The following SHISA9 variants were observed in gnomAD, a reference collection of about 807,000 sequenced individuals.
SHISA9 encodes the protein protein shisa-9.
A neutral mutation model predicts 38.0 loss-of-function variants in SHISA9; 13 were observed. The observed-to-expected ratio is 0.34, with a 90% confidence interval of 0.22 to 0.54. The LOEUF (loss-of-function observed/expected upper bound fraction) is 0.54. Ranked by LOEUF, SHISA9 falls within the 20% of genes least tolerant of loss-of-function variation. The pLI is 0.91. For missense variants in SHISA9, 538 were observed against 575.8 expected, an observed-to-expected ratio of 0.93 and a Z score of 0.67; for synonymous variants, 275 against 242.0, an observed-to-expected ratio of 1.14 and a Z score of -1.27.
chr16:13,472,906 A>G, the SHISA9 span, among the ~76,000 whole-genome samples: 1 of 152,228 alleles, frequency 6.6e-6, no homozygotes, highest in Non-Finnish European at 1.5e-5. Context: ...TATCTTGAAT[A>G]CAGTTATAAT....
At chr16:13,427,205 C>G in the SHISA9 span, among the ~76,000 whole-genome samples, 110 of 152,326 alleles carry the variant, frequency 7.2e-4, 1 homozygote, top group African/African-American at 2.5e-3. Context: ...TGTACAAACT[C>G]ATCAGCCAGA....
chr16:13,536,522 G>A, the SHISA9 span, among the ~76,000 whole-genome samples: 1 of 152,278 alleles, frequency 6.6e-6, no homozygotes, highest in Non-Finnish European at 1.5e-5. Context: ...AAACGAATAA[G>A]CCCTAACATA....
the SHISA9 span, among the ~76,000 whole-genome samples, chr16:13,263,438 C>G: frequency 6.6e-6 from 1 of 152,128 alleles, no homozygotes; most frequent in African/African-American, 2.4e-5. Flanking sequence ...CTCACAAGAT[C>G]TGGTGATTGA....
the SHISA9 span, among the ~76,000 whole-genome samples, chr16:13,559,796 T>A: frequency 6.6e-6 from 1 of 152,048 alleles, no homozygotes; most frequent in East Asian, 1.9e-4. Flanking sequence ...TAGAACAGAG[T>A]GGTTGTTCAA....
chr16:13,437,824 C>A, the SHISA9 span, among the ~76,000 whole-genome samples: 2 of 115,496 alleles, frequency 1.7e-5, no homozygotes, highest in African/African-American at 5.5e-5. Flanking sequence ...AGTGGTGGAT[C>A]TAAGAGAAGG....
chr16:13,460,499 G>T, the SHISA9 span, among the ~76,000 whole-genome samples: 1 of 152,168 alleles, frequency 6.6e-6, no homozygotes, highest in South Asian at 2.1e-4. Context: ...GTAAATGCCA[G>T]AATCAGGCCT....
the SHISA9 span, among the ~76,000 whole-genome samples, chr16:13,328,538 G>C: frequency 1.3e-4 from 19 of 150,182 alleles, no homozygotes; most frequent in African/African-American, 4.7e-4. Flanking sequence ...TCAGCCTTCT[G>C]AGTAGCTAGA....
chr16:12,927,128 C>T (rs1415418535), intron 2 of SHISA9, among the ~76,000 whole-genome samples: 3 of 151,986 alleles, frequency 2.0e-5, no homozygotes, highest in Non-Finnish European at 2.9e-5. Context: ...AGTAACATTA[C>T]TAATATCGTA....
chr16:13,282,363 A>G, the SHISA9 span, among the ~76,000 whole-genome samples: 3 of 152,012 alleles, frequency 2.0e-5, no homozygotes, highest in African/African-American at 7.2e-5. Context: ...ACAAAAAGTC[A>G]GTAATATTTT....
At chr16:13,308,236 A>G in the SHISA9 span, among the ~76,000 whole-genome samples, 1 of 151,942 alleles carries the variant, frequency 6.6e-6, no homozygotes, top group African/African-American at 2.4e-5. Context: ...ATGTTCATCA[A>G]AGTAATCTTT....
chr16:13,320,971 C>T, the SHISA9 span, among the ~76,000 whole-genome samples: 1 of 152,220 alleles, frequency 6.6e-6, no homozygotes, highest in Non-Finnish European at 1.5e-5. Context: ...TGTCTGCCAA[C>T]TTGGTAGCCG....
chr16:13,547,891 A>G, the SHISA9 span, among the ~76,000 whole-genome samples: 1 of 152,230 alleles, frequency 6.6e-6, no homozygotes, highest in Non-Finnish European at 1.5e-5. Context: ...GAACCACAAA[A>G]GACCCAGAAT....
intron 3 of SHISA9, among the ~76,000 whole-genome samples, chr16:13,209,264 T>A (rs1265734994): frequency 6.6e-6 from 1 of 152,172 alleles, no homozygotes; most frequent in Admixed American, 6.5e-5. Context: ...GGTACCTGGA[T>A]TAACATGCAA....
At chr16:13,517,722 A>G in the SHISA9 span, among the ~76,000 whole-genome samples, 1 of 152,172 alleles carries the variant, frequency 6.6e-6, no homozygotes, top group East Asian at 1.9e-4. Context: ...CTCAGATTCT[A>G]TATTACCTCC....
chr16:13,177,429 T>C (rs2050740721), intron 2 of SHISA9, among the ~76,000 whole-genome samples: 1 of 152,190 alleles, frequency 6.6e-6, no homozygotes, highest in African/African-American at 2.4e-5. Flanking sequence ...AACAAAGTAT[T>C]GCCACTGTAT....
At chr16:13,527,246 T>C in the SHISA9 span, among the ~76,000 whole-genome samples, 1 of 152,220 alleles carries the variant, frequency 6.6e-6, no homozygotes, top group African/African-American at 2.4e-5. Flanking sequence ...AGGTTGTCCA[T>C]CCAGCACAAC....
At chr16:12,959,576 C>T (rs2071881573) in intron 2 of SHISA9, among the ~76,000 whole-genome samples, 1 of 150,004 alleles carries the variant, frequency 6.7e-6, no homozygotes, top group African/African-American at 2.4e-5. Context: ...ACTTGAGACA[C>T]GGGCTTCCCT....
the SHISA9 span, among the ~76,000 whole-genome samples, chr16:13,540,096 C>T: frequency 2.6e-5 from 4 of 152,080 alleles, no homozygotes; most frequent in African/African-American, 7.2e-5. Flanking sequence ...ACAAAGACTC[C>T]AAAAGCAACA....
the SHISA9 span, among the ~76,000 whole-genome samples, chr16:13,377,103 C>G: frequency 1.3e-5 from 2 of 152,184 alleles, no homozygotes; most frequent in Non-Finnish European, 2.9e-5. Context: ...ATCTCACCAC[C>G]CAACGAGGGC....
Sources: allele counts gnomAD v4.1 joint callset (sites outside exome capture counted in the v4.1 genomes callset), GRCh38; gene constraint gnomAD v4.1.1; transcripts MANE v1.5; gene names NCBI Gene and HGNC (gene_info 2026-07-23, HGNC 2026-07-21).